The following HIPK2 variants were observed in gnomAD, a reference collection of about 807,000 sequenced individuals.
HIPK2 encodes the protein homeodomain-interacting protein kinase 2.
In HIPK2, 27 loss-of-function variants were observed where a neutral mutation model predicts 113.7. That is an observed-to-expected ratio of 0.24 (90% CI 0.17 to 0.33). The LOEUF (loss-of-function observed/expected upper bound fraction) is 0.33, where lower values mean the gene tolerates loss of function less well. Among genes scored for constraint, HIPK2 ranks in the 10% least tolerant of loss-of-function variants. HIPK2 has a pLI of 1.00. For synonymous variants in HIPK2, 631 were observed against 642.2 expected (o/e 0.98, Z 0.26); for missense variants, 1,257 against 1,588.0 (o/e 0.79, Z 3.54).
chr7:139,692,322 A>G (rs1305265656), intron 2 of HIPK2, among the ~76,000 whole-genome samples: 3 of 152,196 alleles, frequency 2.0e-5, no homozygotes, highest in Admixed American at 6.5e-5. Flanking sequence ...CCAAAAATAG[A>G]TGTAAAATCT....
At chr7:139,605,660 T>A (rs1439722000) in intron 9 of HIPK2, among the ~76,000 whole-genome samples, 1 of 152,198 alleles carries the variant, frequency 6.6e-6, no homozygotes, top group African/African-American at 2.4e-5. Context: ...GTTATTTTCA[T>A]GTTGCACCTG....
rs757210727 is a variant in HIPK2, at chr7:139,716,336, G to A, written c.699C>T (p.His233=). 16 of 1,614,064 alleles carry A rather than the reference G, an allele frequency of 9.9e-6. No homozygotes were observed. The highest frequency in any genetic ancestry group is 1.3e-5 in the Non-Finnish European group (15 of 1,180,040). The change falls in exon 2 of 15, where the codon CAC becomes CAT. Residue 233 remains histidine, a synonymous_variant. Coordinates refer to ENST00000406875, the MANE Select transcript of HIPK2 (RefSeq NM_022740.5). This position sits in a 1 kb window ranked among gnomAD's most constrained non-coding sequence, Gnocchi z 9.3. ...EIVAIKILKN[H]PSYARQGQIE... ...TCTGACCTTGTCGGGCATAGGATGG[G>A]TGGTTCTTCAGGATCTTGATGGCTA...
At chr7:139,589,902 C>T (rs184784296) in intron 12 of HIPK2, among the ~76,000 whole-genome samples, 52 of 152,294 alleles carry the variant, frequency 3.4e-4, no homozygotes, top group African/African-American at 1.2e-3. Context: ...ATTTGCCTAC[C>T]TTTTTGGATT....
At chr7:139,640,023 A>G (rs533496334) in intron 2 of HIPK2, among the ~76,000 whole-genome samples, 24 of 152,252 alleles carry the variant, frequency 1.6e-4, no homozygotes, top group African/African-American at 5.8e-4. Flanking sequence ...AGGTTCTGTC[A>G]TAACTGATCT....
At position 139,570,927 on chromosome 7, in the gene HIPK2, G is replaced by C. The variant is rs1183783133; in HGVS notation, c.*2000C>G. 1.3e-5 allele frequency: 2 copies of C among 152,248 alleles called. No homozygotes were observed. Among genetic ancestry groups the C allele is most frequent in the Admixed American group, 6.5e-5 (1 of 15,280 alleles). 9.4% of individuals were successfully genotyped at this position (152,248 alleles called of 1,614,324 possible). ...CAGAGTTATTTACTATGAAGAGAGG[G>C]AACTCCCCACTTCTCCACACCTCCA... On this transcript the variant is annotated 3_prime_UTR_variant, in exon 15 of 15. Coordinates refer to ENST00000406875, the MANE Select transcript of HIPK2 (RefSeq NM_022740.5).
At chr7:139,688,870 A>G (rs1794313160) in intron 2 of HIPK2, among the ~76,000 whole-genome samples, 1 of 152,194 alleles carries the variant, frequency 6.6e-6, no homozygotes, top group Admixed American at 6.5e-5. Context: ...ATGATGAAAA[A>G]AAAGTCAAAG....
At chr7:139,620,689 A>G in intron 6 of HIPK2, 126 bp from the exon 7 acceptor site, 2 of 1,272,218 alleles carry the variant, frequency 1.6e-6, no homozygotes, top group Non-Finnish European at 1.1e-6. Context: ...CAAGCAGGGA[A>G]ACTAAACTTT....
At chr7:139,719,850 A>G (rs541483764) in intron 1 of HIPK2, among the ~76,000 whole-genome samples, 40 of 152,328 alleles carry the variant, frequency 2.6e-4, no homozygotes, top group African/African-American at 8.2e-4. Context: ...GAAGGACTAA[A>G]GCAAATCTAG....
intron 2 of HIPK2, among the ~76,000 whole-genome samples, chr7:139,645,875 T>C (rs1253814333): frequency 6.6e-6 from 1 of 152,152 alleles, no homozygotes; most frequent in Non-Finnish European, 1.5e-5. Context: ...TCACGGTGAC[T>C]GGTTGGTTAT....
At chr7:139,691,877 T>C (rs945738564) in intron 2 of HIPK2, among the ~76,000 whole-genome samples, 1 of 152,144 alleles carries the variant, frequency 6.6e-6, no homozygotes. Flanking sequence ...AAATAAATAA[T>C]ACATTAAAAA....
At chr7:139,646,439 G>A (rs1050311802) in intron 2 of HIPK2, among the ~76,000 whole-genome samples, 3 of 150,704 alleles carry the variant, frequency 2.0e-5, no homozygotes, top group African/African-American at 7.4e-5. Flanking sequence ...AGTCGAGGCT[G>A]CAGTGAGCTG....
At chr7:139,666,694 G>A (rs1391926653) in intron 2 of HIPK2, among the ~76,000 whole-genome samples, 1 of 152,188 alleles carries the variant, frequency 6.6e-6, no homozygotes, top group African/African-American at 2.4e-5. Flanking sequence ...CCTCCATAAA[G>A]TGCTGATATA....
intron 2 of HIPK2, among the ~76,000 whole-genome samples, chr7:139,684,111 T>G (rs1414981491): frequency 6.6e-6 from 1 of 152,208 alleles, no homozygotes; most frequent in Non-Finnish European, 1.5e-5. Flanking sequence ...CATTGTGATA[T>G]CTGTTATGGT....
chr7:139,728,344 C>T (rs80212719), intron 1 of HIPK2, among the ~76,000 whole-genome samples: 3 of 152,170 alleles, frequency 2.0e-5, no homozygotes, highest in Non-Finnish European at 4.4e-5. Context: ...ACTGGGCAGC[C>T]TAAACAGCAG....
At chr7:139,582,848 C>G (rs1040708801) in intron 13 of HIPK2, among the ~76,000 whole-genome samples, 1 of 152,232 alleles carries the variant, frequency 6.6e-6, no homozygotes, top group African/African-American at 2.4e-5. Context: ...CCCTAATGAC[C>G]CCATCCTGCC....
At chr7:139,678,466 G>C (rs551057947) in intron 2 of HIPK2, among the ~76,000 whole-genome samples, 1 of 152,234 alleles carries the variant, frequency 6.6e-6, no homozygotes, top group East Asian at 1.9e-4. Flanking sequence ...TGACAGGTCT[G>C]TCGGAGATCA....
intron 12 of HIPK2, among the ~76,000 whole-genome samples, chr7:139,585,098 T>C (rs886868872): frequency 1.3e-5 from 2 of 152,248 alleles, no homozygotes; most frequent in African/African-American, 4.8e-5. Flanking sequence ...TTTTTATATA[T>C]TGATCATTTA....
chr7:139,746,703 A>C (rs151305592), intron 1 of HIPK2, among the ~76,000 whole-genome samples: 38 of 152,152 alleles, frequency 2.5e-4, no homozygotes, highest in Non-Finnish European at 4.9e-4. Context: ...CTCAAACTAA[A>C]ACTCCTGCCC....
intron 2 of HIPK2, among the ~76,000 whole-genome samples, chr7:139,692,794 C>G (rs1166486102): frequency 6.6e-6 from 1 of 152,218 alleles, no homozygotes; most frequent in African/African-American, 2.4e-5. Flanking sequence ...TATGCAGATT[C>G]TCACACATTC....
Sources: allele counts gnomAD v4.1 joint callset (sites outside exome capture counted in the v4.1 genomes callset), GRCh38; gene constraint gnomAD v4.1.1; non-coding constraint Gnocchi (gnomAD v3.1); transcripts MANE v1.5; gene names NCBI Gene and HGNC (gene_info 2026-07-23, HGNC 2026-07-21).